The following NHS variants were observed in gnomAD, a reference collection of about 807,000 sequenced individuals.
NHS encodes NHS actin remodeling regulator.
NHS carries 5 observed loss-of-function variants against 72.5 expected under a neutral mutation model. The ratio of observed to expected loss-of-function variants is 0.07; its 90% confidence interval spans 0.04 to 0.14. NHS has a LOEUF of 0.14. NHS is among the 10% of genes least tolerant of loss of function. The probability of loss-of-function intolerance (pLI) is 1.00; values close to 1 mark genes in which losing one functional copy is unlikely to be tolerated. For missense variants in NHS, 1,072 were observed against 1,355.7 expected, an observed-to-expected ratio of 0.79 and a Z score of 3.29; for synonymous variants, 464 against 547.7, an observed-to-expected ratio of 0.85 and a Z score of 2.13.
At position 17,732,668 on chromosome X, in the gene NHS, T is replaced by C; in HGVS notation, c.*204T>C. 1 of 498,777 alleles carries C rather than the reference T, an allele frequency of 2.0e-6. No homozygotes were observed. Among genetic ancestry groups the C allele is most frequent in the Non-Finnish European group, 3.3e-6 (1 of 301,895 alleles). The allele number at this position is 498,777 out of a possible 1,213,427, so 41.1% of individuals were successfully genotyped here. ...GATTAGTTTCCATATTTTAAGTAGC[T>C]GCAGTCTTTCATGTTTTTCTTTAGC... On this transcript the variant is annotated 3_prime_UTR_variant, in exon 9 of 9. Transcript: ENST00000676302.
intron 1 of NHS, among the ~76,000 whole-genome samples, chrX:17,423,553 C>T (rs1244909849): frequency 2.7e-5 from 3 of 111,507 alleles, no homozygotes; most frequent in Non-Finnish European, 5.7e-5. Flanking sequence ...TTTTGGCAGT[C>T]CTCAGGTTGG....
At chrX:17,457,110 G>A (rs192405053) in intron 1 of NHS, among the ~76,000 whole-genome samples, 24 of 112,145 alleles carry the variant, frequency 2.1e-4, no homozygotes, top group Non-Finnish European at 1.9e-4. Context: ...ATCAAGTGCT[G>A]TTTTAAGTTT....
chrX:17,402,376 A>C (rs1448673839), intron 1 of NHS, among the ~76,000 whole-genome samples: 1 of 112,213 alleles, frequency 8.9e-6, no homozygotes, highest in Admixed American at 9.5e-5. Flanking sequence ...TAGCAGCACT[A>C]TTCATAGTAG....
intron 1 of NHS, among the ~76,000 whole-genome samples, chrX:17,517,210 A>G (rs2065126368): frequency 8.9e-6 from 1 of 112,247 alleles, no homozygotes; most frequent in Non-Finnish European, 1.9e-5. Flanking sequence ...TTTAGTCTTG[A>G]CTTTTGCCAT....
At chrX:17,402,867 T>C (rs1451949369) in intron 1 of NHS, among the ~76,000 whole-genome samples, 3 of 112,110 alleles carry the variant, frequency 2.7e-5, no homozygotes, top group Non-Finnish European at 3.8e-5. Flanking sequence ...GAGGAAAATG[T>C]TGAAGATTTG....
chrX:17,698,626 TGAAC>T, intron 3 of NHS, among the ~76,000 whole-genome samples: 1 of 112,090 alleles, frequency 8.9e-6, no homozygotes, highest in East Asian at 2.8e-4. Flanking sequence ...CATTGACACC[TGAAC>T]TGATAAAGAC....
chrX:17,682,789 T>A (rs1044623566), intron 1 of NHS, among the ~76,000 whole-genome samples: 1 of 110,964 alleles, frequency 9.0e-6, no homozygotes, highest in African/African-American at 3.3e-5. Flanking sequence ...CATAAAGCTG[T>A]AAGGCAATGG....
intron 1 of NHS, among the ~76,000 whole-genome samples, chrX:17,505,431 G>A (rs754346695): frequency 5.4e-5 from 6 of 111,340 alleles, no homozygotes; most frequent in Non-Finnish European, 1.1e-4. Flanking sequence ...GTGTGTATGA[G>A]AACCTTCTTC....
chrX:17,539,838 G>C (rs1001261155), intron 1 of NHS, among the ~76,000 whole-genome samples: 4 of 112,030 alleles, frequency 3.6e-5, no homozygotes, highest in Admixed American at 9.4e-5. Flanking sequence ...GTTCTGGCCA[G>C]TGGGCTTTCA....
chrX:17,593,301 C>T (rs1461674064), intron 1 of NHS, among the ~76,000 whole-genome samples: 2 of 111,312 alleles, frequency 1.8e-5, no homozygotes, highest in Non-Finnish European at 3.8e-5. Context: ...GCACCTAGAA[C>T]CCTATTTGGC....
At position 17,727,151 on chromosome X, in the gene NHS, G is replaced by C. The variant is rs765886004; in HGVS notation, c.3045G>C (p.Leu1015=). ...NEFKLASPEK[L]AGLASPSSGY... ...TTAAACTGGCTTCACCAGAAAAGCT[G>C]GCTGGCTTGGCATCTCCATCAAGTG... Residue 1015 remains leucine, a synonymous_variant, in exon 7 of 9, where the codon CTG becomes CTC. Transcript: ENST00000676302. The C allele has an allele frequency of 2.5e-6, 3 of 1,210,101 alleles. No individual in the cohort carries two copies. The Admixed American group carries it at 6.6e-5, about 26-fold the overall frequency.
intron 1 of NHS, among the ~76,000 whole-genome samples, chrX:17,674,199 G>A (rs967312217): frequency 2.7e-5 from 3 of 111,400 alleles, no homozygotes; most frequent in East Asian, 2.8e-4. Flanking sequence ...AGCCAGCACC[G>A]GGGCCCAAGG....
intron 1 of NHS, among the ~76,000 whole-genome samples, chrX:17,407,059 A>G (rs1452125246): frequency 1.8e-5 from 2 of 111,822 alleles, no homozygotes; most frequent in African/African-American, 6.5e-5. Context: ...CCAACGGCTC[A>G]GGTATACCTG....
chrX:17,651,889 T>C (rs1486002565), intron 1 of NHS, among the ~76,000 whole-genome samples: 1 of 112,948 alleles, frequency 8.9e-6, no homozygotes, highest in Non-Finnish European at 1.9e-5. Flanking sequence ...ATTACCTGTG[T>C]AGACTTTACC....
At position 17,376,123 on chromosome X, in the gene NHS, G is replaced by A. The variant is rs777054929; in HGVS notation, c.366G>A (p.Leu122=). 1.4e-5 allele frequency: 16 copies of A among 1,172,300 alleles called. No individual in the cohort carries two copies. The highest frequency in any genetic ancestry group is 1.8e-5 in the Non-Finnish European group (16 of 881,965). Residue 122 remains leucine, a synonymous_variant, in exon 1 of 9, where the codon CTG becomes CTA. Transcript: ENST00000676302. The part of the protein sequence containing the change: ...AAAAAAVLLM[L]DLCAVSNAAL... ...CGGCGGCGGCCGTGCTGCTCATGCT[G>A]GACCTATGCGCGGTCAGCAACGCCG...
chrX:17,696,196 T>C (rs1185972893), intron 3 of NHS, among the ~76,000 whole-genome samples: 1 of 111,807 alleles, frequency 8.9e-6, no homozygotes, highest in African/African-American at 3.3e-5. Flanking sequence ...ATGTAAAAAG[T>C]TTGTAGTAAA....
intron 1 of NHS, among the ~76,000 whole-genome samples, chrX:17,604,265 C>T (rs1314395188): frequency 1.8e-5 from 2 of 108,890 alleles, no homozygotes; most frequent in Non-Finnish European, 3.8e-5. Context: ...CACACACACA[C>T]ACATTAATGT....
At chrX:17,471,000 A>T (rs111871539) in intron 1 of NHS, among the ~76,000 whole-genome samples, 11,863 of 111,465 alleles carry the variant, frequency 0.11, 1,622 homozygotes, top group African/African-American at 0.37. Context: ...AGTGAATGAA[A>T]GAAACTGGTG....
Position 17,727,796 on chromosome X carries a change from T to A in NHS, c.3690T>A (p.Asp1230Glu), listed in dbSNP as rs1311205039. Residue 1230 changes from aspartate to glutamate, a missense_variant, in exon 7 of 9, where the codon GAT becomes GAA. Asp to Glu is a conservative substitution (Grantham distance 45). Coordinates refer to ENST00000676302, the MANE Select transcript of NHS (RefSeq NM_001291867.2). ...NSTFDVKNRC[D>E]PETITSAGSS... ...CTTTTGATGTGAAGAATCGCTGCGA[T>A]CCAGAAACCATAACATCAGCTGGTA... The A allele has an allele frequency of 1.7e-6, 2 of 1,211,724 alleles. No homozygotes were observed. The highest frequency in any genetic ancestry group is 2.2e-5 in the Admixed American group (1 of 46,050).
Sources: gnomAD v4.1 joint callset for allele counts (sites outside exome capture counted in the v4.1 genomes callset) on GRCh38, gnomAD v4.1.1 for gene constraint, MANE v1.5 for transcripts, NCBI Gene and HGNC (gene_info 2026-07-23, HGNC 2026-07-21) for gene names.